The following KIF1A variants were observed in gnomAD, a reference collection of about 807,000 sequenced individuals.
KIF1A encodes the protein kinesin family member 1A.
In KIF1A, 46 loss-of-function variants were observed where a neutral mutation model predicts 227.3. The ratio of observed to expected loss-of-function variants is 0.20; its 90% CI spans 0.16 to 0.26. The LOEUF (loss-of-function observed/expected upper bound fraction) is 0.26. Ranked by LOEUF, KIF1A falls within the 10% of genes least tolerant of loss-of-function variation. KIF1A has a pLI of 1.00. For synonymous variants in KIF1A, 1,022 were observed against 1,012.8 expected (o/e 1.01, Z -0.17); for missense variants, 1,683 against 2,485.9 (o/e 0.68, Z 6.87).
intron 1 of KIF1A, chr2:240,819,009 T>C (rs1336241482): frequency 2.0e-5 from 3 of 152,174 alleles, no homozygotes; most frequent in Admixed American, 6.5e-5. Flanking sequence ...CCGGGCGACG[T>C]CGCGCTCGCG....
chr2:240,742,994 A>T lies in KIF1A; in HGVS notation c.3585-10T>A, dbSNP rs1484105101. 1 of 1,606,148 alleles carries T rather than the reference A, an allele frequency of 6.2e-7. No individual in the cohort carries two copies. The highest frequency in any genetic ancestry group is 2.2e-5 in the East Asian group (1 of 44,674). On this transcript the variant is annotated splice_polypyrimidine_tract_variant and intron_variant, in intron 33 of 48. Transcript: ENST00000498729. Reference sequence around the variant, plus strand: ...CGAGGGCCTCAGGGGGCTGTGGAGAAAGGACCAGTGTGAGGTGTTTGCGGG... The same window carrying T: ...CGAGGGCCTCAGGGGGCTGTGGAGATAGGACCAGTGTGAGGTGTTTGCGGG...
chr2:240,782,688 G>T, intron 9 of KIF1A, 81 bp from the exon 10 acceptor site: 3 of 1,425,552 alleles, frequency 2.1e-6, no homozygotes, highest in Non-Finnish European at 2.9e-6. Flanking sequence ...CAGGCGGCCC[G>T]GCTGCCTCGC....
intron 27 of KIF1A, among the ~76,000 whole-genome samples, chr2:240,753,839 G>A (rs757907456): frequency 6.6e-5 from 10 of 152,166 alleles, no homozygotes; most frequent in Non-Finnish European, 1.2e-4. Context: ...GAGGCAAAGA[G>A]ATTAAGGAAG....
At chr2:240,787,363 C>T (rs2126087229) in intron 4 of KIF1A, 47 bp from the exon 5 acceptor site, 1 of 1,531,788 alleles carries the variant, frequency 6.5e-7, no homozygotes, top group Middle Eastern at 1.7e-4. Flanking sequence ...GGGGCTGCTC[C>T]CTGGATCCCT....
intron 2 of KIF1A, among the ~76,000 whole-genome samples, chr2:240,791,018 G>T (rs1242599044): frequency 1.3e-5 from 2 of 152,142 alleles, no homozygotes; most frequent in Non-Finnish European, 2.9e-5. Flanking sequence ...GGCAGATCCA[G>T]TTTCAGGTCC....
intron 34 of KIF1A, 76 bp from the exon 35 acceptor site, chr2:240,741,453 G>C: frequency 5.1e-6 from 6 of 1,178,642 alleles, no homozygotes; most frequent in Non-Finnish European, 6.9e-6. Flanking sequence ...TCAAGGAGGA[G>C]ATGCCGGGGC....
At position 240,813,463 on chromosome 2, in the gene KIF1A, C is replaced by T. The variant is rs1428337091; in HGVS notation, c.-61+6659G>A. 5.9e-5 allele frequency among the ~76,000 whole-genome samples: 9 copies of T among 152,284 alleles called. No individual in the cohort carries two copies. In the East Asian group the frequency reaches 1.7e-3, roughly 29 times the overall value. ...GAGAAGTGAGGCTAACATGGAAGCC[C>T]GCACCCCCAGCCCCGCCATCCACCC... is the stretch of plus-strand genomic sequence containing the variant. On this transcript the variant is annotated intron_variant, in intron 1 of 48. Coordinates refer to ENST00000498729, the MANE Select transcript of KIF1A (RefSeq NM_001244008.2).
intron 29 of KIF1A, among the ~76,000 whole-genome samples, chr2:240,746,391 C>T (rs1369807573): frequency 1.3e-5 from 2 of 152,220 alleles, no homozygotes; most frequent in East Asian, 3.9e-4. Flanking sequence ...TCTTTGGATT[C>T]TACAGCCTAT....
chr2:240,727,082 G>A (rs2046100353), intron 38 of KIF1A, 142 bp from the exon 39 acceptor site: 1 of 563,960 alleles, frequency 1.8e-6, no homozygotes, highest in East Asian at 2.9e-5. Flanking sequence ...AGCCCGGGCG[G>A]CGGTGCCAGG....
chr2:240,767,417 A>C lies in KIF1A; in HGVS notation c.1498-72T>G, dbSNP rs1009021480. 10 of 1,268,088 alleles carry C rather than the reference A, an allele frequency of 7.9e-6. No individual in the cohort carries two copies. In the South Asian group the frequency reaches 1.0e-4, roughly 13 times the overall value. 78.6% of individuals were successfully genotyped at this position (1,268,088 alleles called of 1,614,324 possible). ...CTGATGCTGGCCACACCCCCCTCCA[A>C]CCTCTCTCCAGGCACCAGACTACCA... On this transcript the variant is annotated intron_variant, in intron 17 of 48. Coordinates refer to ENST00000498729, the MANE Select transcript of KIF1A (RefSeq NM_001244008.2).
chr2:240,723,027 G>A (rs959450514), intron 42 of KIF1A, among the ~76,000 whole-genome samples: 5 of 152,170 alleles, frequency 3.3e-5, no homozygotes, highest in African/African-American at 4.8e-5. Flanking sequence ...CACACGTCAC[G>A]CGTCACGTGT....
intron 11 of KIF1A, among the ~76,000 whole-genome samples, chr2:240,774,908 TGTCCCCAGGGCATGGGTCCCCAGTGG>T (rs2052545293): frequency 6.6e-6 from 1 of 152,132 alleles, no homozygotes; most frequent in East Asian, 1.9e-4. Flanking sequence ...CTCAGGGCCA[TGTCCCCAGGGCATGGGTCCCCAGTGG>T]GTCCCCATAG....
At position 240,798,088 on chromosome 2, in the gene KIF1A, T is replaced by A. The variant is rs115157555; in HGVS notation, c.-60-276A>T. Reference sequence around the variant, plus strand: ...AGCGACCTGGGTGTGAACGTGAAGGTGGCCTTCACACCCACGGCAAACCCC... The same window carrying A: ...AGCGACCTGGGTGTGAACGTGAAGGAGGCCTTCACACCCACGGCAAACCCC... On this transcript the variant is annotated intron_variant, in intron 1 of 48. Transcript: ENST00000498729. 9.3e-3 allele frequency: 2,185 copies of A among 235,990 alleles called. 53 individuals are homozygous for A. Among genetic ancestry groups the A allele is most frequent in the African/African-American group, 0.045 (2,019 of 44,452 alleles). 14.6% of individuals were successfully genotyped at this position (235,990 alleles called of 1,614,324 possible).
chr2:240,723,571 C>T lies in KIF1A; in HGVS notation c.4319-13G>A, dbSNP rs372386644. The T allele has an allele frequency of 6.4e-5, 97 of 1,526,692 alleles. No individual in the cohort carries two copies. Among genetic ancestry groups the T allele is most frequent in the African/African-American group, 9.6e-5 (7 of 72,740 alleles). The allele number at this position is 1,526,692 out of a possible 1,614,324, so 94.6% of individuals were successfully genotyped here. On this transcript the variant is annotated splice_polypyrimidine_tract_variant and intron_variant, in intron 41 of 48. Coordinates refer to ENST00000498729, the MANE Select transcript of KIF1A (RefSeq NM_001244008.2). Reference sequence around the variant, plus strand: ...CGGCGCTGCATCCCTGCATGGGGCACGTGGACATTCCACCCCTACCTGATG... The same window carrying T: ...CGGCGCTGCATCCCTGCATGGGGCATGTGGACATTCCACCCCTACCTGATG...
In KIF1A at chr2:240,749,550, C is replaced by A. The variant is rs146789797; in HGVS notation, c.2977+879G>T. On this transcript the variant is annotated intron_variant, in intron 28 of 48. Transcript: ENST00000498729. The stretch of plus-strand genomic sequence containing the variant: ...AGAGTGCTCCTTGGTGAGGGGAGAC[C>A]TTGGTGGAGGAGCCCGGGGCAGGCA... 2.2e-3 allele frequency among the ~76,000 whole-genome samples: 333 copies of A among 152,330 alleles called. 1 individual carries two copies. Among genetic ancestry groups the A allele is most frequent in the Non-Finnish European group, 4.0e-3 (274 of 68,018 alleles).
chr2:240,768,795 C>A (rs2051540125), intron 17 of KIF1A, among the ~76,000 whole-genome samples: 1 of 152,200 alleles, frequency 6.6e-6, no homozygotes, highest in Non-Finnish European at 1.5e-5. Flanking sequence ...GCCCAGGCTC[C>A]AGGGCAGGTC....
rs190025644 is a variant in KIF1A, at chr2:240,785,849, G to A, written c.608+486C>T. ...CATCACCTCACCCTCAGGAAGTCCCGGGTGGCAGAGGGAGTCTGTTGCCAT... is the reference window on the plus strand; with the variant it reads ...CATCACCTCACCCTCAGGAAGTCCCAGGTGGCAGAGGGAGTCTGTTGCCAT... On this transcript the variant is annotated intron_variant, in intron 6 of 48. Transcript: ENST00000498729. 1.6e-4 allele frequency among the ~76,000 whole-genome samples: 25 copies of A among 152,310 alleles called. No individual in the cohort carries two copies. In the East Asian group the frequency reaches 2.3e-3, roughly 14 times the overall value.
chr2:240,733,042 G>GGGGGGATGAGAGGGTGAATGAGC, intron 38 of KIF1A, among the ~76,000 whole-genome samples: 2 of 143,202 alleles, frequency 1.4e-5, no homozygotes, highest in Non-Finnish European at 3.1e-5. Flanking sequence ...GGGGAATGAG[G>GGGGGGATGAGAGGGTGAATGAGC]GGGGGATGAG....
intron 29 of KIF1A, 110 bp downstream of exon 29, chr2:240,747,126 G>A (rs2048693270): frequency 2.8e-6 from 2 of 706,074 alleles, no homozygotes; most frequent in South Asian, 1.7e-5. Flanking sequence ...ACCCCAAGAG[G>A]ACTCAGGGCC....
Sources: gnomAD v4.1 joint callset for allele counts (sites outside exome capture counted in the v4.1 genomes callset) on GRCh38, gnomAD v4.1.1 for gene constraint, MANE v1.5 for transcripts, NCBI Gene and HGNC (gene_info 2026-07-23, HGNC 2026-07-21) for gene names.